The following KYAT3 variants were observed in gnomAD, a reference collection of about 807,000 sequenced individuals.
The protein encoded by KYAT3 is kynurenine aminotransferase 3.
KYAT3 carries 50 observed loss-of-function variants against 59.0 expected under a neutral mutation model. The ratio of observed to expected loss-of-function variants is 0.85; its 90% CI spans 0.68 to 1.07. The LOEUF (loss-of-function observed/expected upper bound fraction) is 1.07, where lower values mean the gene tolerates loss of function less well. Among genes scored for constraint, KYAT3 ranks in the 50% least tolerant of loss-of-function variants. The pLI is 0.00. For missense variants in KYAT3, 497 were observed against 533.3 expected (o/e 0.93, Z 0.67); for synonymous variants, 148 against 177.0 (o/e 0.84, Z 1.30).
intron 11 of KYAT3, among the ~76,000 whole-genome samples, chr1:88,947,611 G>C (rs1007509209): frequency 2.6e-5 from 4 of 152,182 alleles, no homozygotes; most frequent in African/African-American, 7.2e-5. Context: ...CCCATGAAAG[G>C]CACACTGCAA....
chr1:88,935,379 A>G (rs1674998219), downstream of KYAT3, among the ~76,000 whole-genome samples: 1 of 152,048 alleles, frequency 6.6e-6, no homozygotes, highest in East Asian at 1.9e-4. Flanking sequence ...AGAGAGAGAA[A>G]AAAAAAAGGG....
At chr1:88,953,495 G>T (rs1675766415) in intron 9 of KYAT3, among the ~76,000 whole-genome samples, 1 of 146,882 alleles carries the variant, frequency 6.8e-6, no homozygotes, top group Non-Finnish European at 1.5e-5. Context: ...GCAGTGAGCT[G>T]AGATCACAGC....
intron 11 of KYAT3, among the ~76,000 whole-genome samples, chr1:88,945,667 A>T (rs1675413529): frequency 6.6e-6 from 1 of 152,224 alleles, no homozygotes; most frequent in South Asian, 2.1e-4. Context: ...TTAATTGTAA[A>T]GGGAAGTCAT....
intron 6 of KYAT3, 44 bp downstream of exon 6, chr1:88,962,015 T>G: frequency 6.6e-6 from 9 of 1,355,184 alleles, no homozygotes; most frequent in Non-Finnish European, 9.5e-6. Flanking sequence ...CAAGACTTCT[T>G]AAGTCTTGAA....
At chr1:88,990,951 T>C (rs1300295415) in intron 1 of KYAT3, among the ~76,000 whole-genome samples, 1 of 152,186 alleles carries the variant, frequency 6.6e-6, no homozygotes, top group Admixed American at 6.5e-5. Context: ...TTCTAAACAA[T>C]ATTTTCATTG....
chr1:88,948,836 A>G (rs1281485338), intron 11 of KYAT3, among the ~76,000 whole-genome samples: 1 of 152,254 alleles, frequency 6.6e-6, no homozygotes, highest in Non-Finnish European at 1.5e-5. Flanking sequence ...ACACCAGAAG[A>G]GAGTGATAGC....
At chr1:88,925,029 C>T in the KYAT3 span, among the ~76,000 whole-genome samples, 13 of 152,228 alleles carry the variant, frequency 8.5e-5, no homozygotes, top group African/African-American at 2.9e-4. Context: ...CCCCAGGTAA[C>T]ATTTGGTGAC....
chr1:88,954,222 C>G (rs1675812044), intron 9 of KYAT3, among the ~76,000 whole-genome samples: 1 of 152,080 alleles, frequency 6.6e-6, no homozygotes, highest in South Asian at 2.1e-4. Flanking sequence ...CTTACCCATG[C>G]TCAGGAGAGG....
At chr1:88,939,715 A>G (rs1225769598) in intron 13 of KYAT3, among the ~76,000 whole-genome samples, 1 of 152,040 alleles carries the variant, frequency 6.6e-6, no homozygotes, top group Non-Finnish European at 1.5e-5. Context: ...TTGCTCACTT[A>G]TCTCCATCCT....
intron 2 of KYAT3, among the ~76,000 whole-genome samples, chr1:88,975,062 C>A (rs1258540050): frequency 6.6e-6 from 1 of 152,216 alleles, no homozygotes; most frequent in Admixed American, 6.5e-5. Context: ...TGGGTCCGCA[C>A]CACCTTTAAG....
At chr1:88,968,843 T>C (rs756064392) in intron 3 of KYAT3, 29 bp from the exon 4 acceptor site, 12 of 1,516,614 alleles carry the variant, frequency 7.9e-6, no homozygotes, top group Non-Finnish European at 9.8e-6. Flanking sequence ...CTAATATTAA[T>C]AAGTTCTACA....
chr1:88,963,775 G>C lies in KYAT3; in HGVS notation c.453+1054C>G, dbSNP rs115776053. On this transcript the variant is annotated intron_variant, in intron 5 of 13. Coordinates refer to ENST00000260508, the MANE Select transcript of KYAT3 (RefSeq NM_001008661.3). ...CTCAGTATTTTCTGAATAAATGAAA[G>C]AGGCAAAAAGTATTAAAGTAAGGCT... Among the ~76,000 whole-genome samples the C allele has an allele frequency of 8.5e-3, 1,297 of 152,342 alleles. 16 individuals are homozygous for C. The highest frequency in any genetic ancestry group is 0.03 in the African/African-American group (1,254 of 41,572).
intron 13 of KYAT3, among the ~76,000 whole-genome samples, chr1:88,937,958 GAATT>G (rs1346980337): frequency 2.0e-5 from 3 of 152,142 alleles, no homozygotes; most frequent in African/African-American, 7.2e-5. Context: ...ATTCTAGCCT[GAATT>G]AATTAATTAT....
chr1:88,973,613 C>A lies in KYAT3; in HGVS notation c.100-4146G>T, dbSNP rs370579415. On this transcript the variant is annotated intron_variant, in intron 2 of 13. Coordinates refer to ENST00000260508, the MANE Select transcript of KYAT3 (RefSeq NM_001008661.3). ...CCAGGGTGATTAAAGGCCTATACTT[C>A]CATGTTATTAACGCAAAACTGCTAG... Among the ~76,000 whole-genome samples the A allele has an allele frequency of 3.3e-5, 5 of 152,166 alleles. 1 individual carries two copies. In the East Asian group the frequency reaches 5.8e-4, roughly 18 times the overall value.
intron 2 of KYAT3, among the ~76,000 whole-genome samples, chr1:88,972,686 C>G (rs996929022): frequency 3.9e-5 from 6 of 152,214 alleles, no homozygotes; most frequent in African/African-American, 1.4e-4. Flanking sequence ...TCACCTGGAA[C>G]ACTGCCTGTT....
intron 13 of KYAT3, among the ~76,000 whole-genome samples, chr1:88,940,151 C>A (rs1675182578): frequency 6.6e-6 from 1 of 152,086 alleles, no homozygotes; most frequent in East Asian, 1.9e-4. Context: ...CTCATTGCAA[C>A]CTCTGCCTCC....
intron 11 of KYAT3, among the ~76,000 whole-genome samples, chr1:88,945,538 T>C (rs1675406869): frequency 6.6e-6 from 1 of 152,244 alleles, no homozygotes; most frequent in Non-Finnish European, 1.5e-5. Flanking sequence ...TCTCTATCAA[T>C]AGTGATATAA....
the KYAT3 span, among the ~76,000 whole-genome samples, chr1:88,928,836 G>A: frequency 6.6e-6 from 1 of 152,178 alleles, no homozygotes; most frequent in Non-Finnish European, 1.5e-5. Flanking sequence ...TCCTAGGACA[G>A]CCAGTTACTA....
intron 2 of KYAT3, among the ~76,000 whole-genome samples, chr1:88,986,181 GA>G (rs200114549): frequency 0.23 from 31,426 of 138,298 alleles, 4,161 homozygotes; most frequent in East Asian, 0.32. Context: ...GAGACTGTAT[GA>G]AAAAAAAAAA....
Sources: gnomAD v4.1 joint callset for allele counts (sites outside exome capture counted in the v4.1 genomes callset) on GRCh38, gnomAD v4.1.1 for gene constraint, MANE v1.5 for transcripts, NCBI Gene and HGNC (gene_info 2026-07-23, HGNC 2026-07-21) for gene names.